GTF3C2: variants seen among roughly 807,000 people sequenced by gnomAD.
The protein encoded by GTF3C2 is general transcription factor 3C polypeptide 2.
In GTF3C2, 17 loss-of-function variants were observed where a neutral mutation model predicts 117.4. The observed-to-expected ratio is 0.14, with a 90% CI of 0.10 to 0.22. GTF3C2 has a LOEUF of 0.22. Among genes scored for constraint, GTF3C2 ranks in the 10% least tolerant of loss-of-function variants. The probability of loss-of-function intolerance (pLI) is 1.00; values close to 1 mark genes in which losing one functional copy is unlikely to be tolerated. For missense variants in GTF3C2, 888 were observed against 1,143.6 expected (o/e 0.78, Z 3.22); for synonymous variants, 437 against 427.0 (o/e 1.02, Z -0.29).
intron 7 of GTF3C2, 41 bp from the exon 8 acceptor site, chr2:27,336,466 G>T (rs1173284779): frequency 8.0e-7 from 1 of 1,248,960 alleles, no homozygotes; most frequent in Non-Finnish European, 1.2e-6. Context: ...AGGAATTAAT[G>T]AAAGGTAATG....
chr2:27,331,638 T>C lies in GTF3C2; in HGVS notation c.1732+2017A>G, dbSNP rs76444162. On this transcript the variant is annotated intron_variant, in intron 12 of 18. Transcript: ENST00000264720. Reference sequence around the variant, plus strand: ...CCACACTTGGCCAATAACACTGTCATTTAAAAATAACAATCTAGGCCAGGC... The same window carrying C: ...CCACACTTGGCCAATAACACTGTCACTTAAAAATAACAATCTAGGCCAGGC... Among the ~76,000 whole-genome samples, 1,099 of 152,134 alleles carry C rather than the reference T, an allele frequency of 7.2e-3. 16 individuals are homozygous for C. Among genetic ancestry groups the C allele is most frequent in the African/African-American group, 0.025 (1,048 of 41,526 alleles).
At chr2:27,326,684 G>A in exon 19 of GTF3C2, 2 of 1,612,734 alleles carry the variant, frequency 1.2e-6, no homozygotes, top group South Asian at 1.1e-5. Flanking sequence ...GCTAGGGAGT[G>A]GGCAGAAGGC....
At chr2:27,336,697 C>T (rs1243207696) in intron 7 of GTF3C2, 17 of 385,806 alleles carry the variant, frequency 4.4e-5, no homozygotes, top group Non-Finnish European at 7.1e-5. Context: ...CAGCCGTGAC[C>T]TCCCAGGCTC....
At chr2:27,356,109 T>A (rs767818964) in intron 1 of GTF3C2, 19 of 1,289,008 alleles carry the variant, frequency 1.5e-5, no homozygotes, top group South Asian at 2.5e-5. Context: ...TCCAACAAAG[T>A]GAGTTGCCTC....
At chr2:27,343,664 T>G in intron 1 of GTF3C2, 86 bp from the exon 2 acceptor site, 1 of 1,090,140 alleles carries the variant, frequency 9.2e-7, no homozygotes, top group Non-Finnish European at 1.3e-6. Context: ...TTCTCCCTCA[T>G]TCTCACACTC....
At chr2:27,354,608 A>G (rs1416714470) in intron 1 of GTF3C2, among the ~76,000 whole-genome samples, 1 of 152,116 alleles carries the variant, frequency 6.6e-6, no homozygotes, top group Non-Finnish European at 1.5e-5. Context: ...TATAAAAATT[A>G]GCCCGGCGTG....
rs1053215159 is a variant in GTF3C2 at position 27,326,069 on chromosome 2, T to C, written c.*606A>G. 4 of 383,998 alleles carry C rather than the reference T, an allele frequency of 1.0e-5. No individual in the cohort carries two copies. In the Admixed American group the frequency reaches 1.1e-4, roughly 10 times the overall value. 23.8% of individuals were successfully genotyped at this position (383,998 alleles called of 1,614,324 possible). The stretch of plus-strand genomic sequence containing the variant: ...TCAAGTAGGGTCAGATGACCAGTGA[T>C]TGGGAATACTTCGTAAGCAGGAGCA... On this transcript the variant is annotated 3_prime_UTR_variant, in exon 19 of 19. Coordinates refer to ENST00000264720, the Ensembl canonical transcript of GTF3C2.
chr2:27,328,385 G>T (rs1680161052), intron 16 of GTF3C2, 83 bp downstream of exon 16: 1 of 1,427,382 alleles, frequency 7.0e-7, no homozygotes, highest in Non-Finnish European at 9.9e-7. Flanking sequence ...CGGGAGACCT[G>T]ACACTAGTTT....
intron 1 of GTF3C2, among the ~76,000 whole-genome samples, chr2:27,350,104 G>A (rs1572584305): frequency 6.6e-6 from 1 of 152,058 alleles, no homozygotes; most frequent in Admixed American, 6.6e-5. Flanking sequence ...TAAGAACAAT[G>A]AAGATATAAA....
chr2:27,346,330 CTTTTTTTTTTTTTTTTTTTTTTTTTTTT>C (rs144256545), intron 1 of GTF3C2, among the ~76,000 whole-genome samples: 2 of 64,354 alleles, frequency 3.1e-5, no homozygotes, highest in East Asian at 1.0e-3. Context: ...ATTCTGATAC[CTTTTTTTTTTTTTTTTTTTTTTTTTTTT>C]TTTTTTTTTT....
Position 27,343,072 on chromosome 2 carries a change from C to T in GTF3C2, c.323G>A (p.Arg108Gln), listed in dbSNP as rs1459147184. 8 of 1,613,426 alleles carry T rather than the reference C, an allele frequency of 5.0e-6. No homozygotes were observed. The highest frequency in any genetic ancestry group is 4.4e-5 in the South Asian group (4 of 91,056). Residue 108 changes from arginine to glutamine, a missense_variant, in exon 3 of 19, where the codon CGA (arginine) becomes CAA (glutamine). Physicochemically the swap from Arg to Gln is conservative, Grantham distance 43 (BLOSUM62 1). Around this residue, in one of 7 missense-constraint regions of GTF3C2, gnomAD observed 393 missense variants for 401.5 expected, o/e 0.98. Coordinates refer to ENST00000264720, the Ensembl canonical transcript of GTF3C2. ...CTGTTGGGGCCTTTTGGGGCCTTTT[C>T]GTGTCCTACCACCTCTCTTCCGGCC... is the stretch of plus-strand genomic sequence containing the variant.
chr2:27,350,525 C>A (rs550689327), intron 1 of GTF3C2: 11 of 985,380 alleles, frequency 1.1e-5, no homozygotes, highest in African/African-American at 1.7e-5. Flanking sequence ...CTGGGCTGGG[C>A]GCAGTGGCTC....
Position 27,329,703 on chromosome 2 carries a change from G to A in GTF3C2, c.1733-180C>T, listed in dbSNP as rs896639235. Among the ~76,000 whole-genome samples the A allele has an allele frequency of 6.6e-6, 1 of 152,102 alleles. No homozygotes were observed. The highest frequency in any genetic ancestry group is 2.4e-5 in the African/African-American group (1 of 41,420). ...CTCCAGGGCTTAAAGACTCAACCTGGTATTTTAACCCTAATTCTCATCAAC... is the reference window on the plus strand; with the variant it reads ...CTCCAGGGCTTAAAGACTCAACCTGATATTTTAACCCTAATTCTCATCAAC... On this transcript the variant is annotated intron_variant, in intron 12 of 18. Transcript: ENST00000264720. The surrounding 1 kb of genome is among the most constrained non-coding windows in gnomAD (Gnocchi z 4.5).
chr2:27,335,262 T>C, intron 10 of GTF3C2: 1 of 502,904 alleles, frequency 2.0e-6, no homozygotes, highest in Non-Finnish European at 4.0e-6. Flanking sequence ...AACAAGAGTA[T>C]AGCAGGGGAG....
chr2:27,356,207 G>A, intron 1 of GTF3C2: 2 of 742,272 alleles, frequency 2.7e-6, no homozygotes, highest in Non-Finnish European at 4.1e-6. Flanking sequence ...AAACACAACT[G>A]GCCCTTGGTT....
exon 17 of GTF3C2, chr2:27,328,077 G>A: frequency 6.2e-7 from 1 of 1,611,692 alleles, no homozygotes; most frequent in East Asian, 2.2e-5. Context: ...ATGGTTGACA[G>A]TTTCAGTGTA....
At chr2:27,331,203 A>G (rs1680261305) in intron 12 of GTF3C2, among the ~76,000 whole-genome samples, 1 of 152,234 alleles carries the variant, frequency 6.6e-6, no homozygotes, top group Non-Finnish European at 1.5e-5. Flanking sequence ...AGAATCATGT[A>G]CCTTGACAAT....
At position 27,334,012 on chromosome 2, in the gene GTF3C2, AG is replaced by A; in HGVS notation, c.1577-14del. The A allele has an allele frequency of 6.2e-7, 1 of 1,604,980 alleles. No individual in the cohort carries two copies. Among genetic ancestry groups the A allele is most frequent in the Non-Finnish European group, 8.5e-7 (1 of 1,172,184 alleles). On this transcript the variant is annotated splice_polypyrimidine_tract_variant and intron_variant, in intron 10 of 18. Transcript: ENST00000264720. ...GGCTTCACTGCATCTGTGAGGAAAA[AG>A]AGCAGGAACTAACTCTATGGATCCC...
chr2:27,349,398 C>G (rs10203610), intron 1 of GTF3C2, among the ~76,000 whole-genome samples: 1 of 140,422 alleles, frequency 7.1e-6, no homozygotes. Context: ...CCGCCCGCCG[C>G]GGCCTCCCAA....
Sources: allele counts gnomAD v4.1 joint callset (sites outside exome capture counted in the v4.1 genomes callset), GRCh38; gene constraint gnomAD v4.1.1; regional missense constraint gnomAD v4.1.1; non-coding constraint Gnocchi (gnomAD v3.1); transcripts MANE v1.5; gene names NCBI Gene and HGNC (gene_info 2026-07-23, HGNC 2026-07-21).